The following PITPNM3 variants were observed in gnomAD, a reference collection of about 807,000 sequenced individuals.
PITPNM3 encodes PITPNM family member 3, also known as membrane-associated phosphatidylinositol transfer protein 3.
A neutral mutation model predicts 102.0 loss-of-function variants in PITPNM3; 26 were observed. The observed-to-expected ratio is 0.25, with a 90% CI of 0.19 to 0.35. The LOEUF (loss-of-function observed/expected upper bound fraction) is 0.35, where lower values mean the gene tolerates loss of function less well. PITPNM3 is among the 10% of genes least tolerant of loss of function. PITPNM3 has a pLI of 1.00. For missense variants in PITPNM3, 1,083 were observed against 1,346.1 expected (o/e 0.80, Z 3.06); for synonymous variants, 578 against 558.6 (o/e 1.03, Z -0.49).
intron 17 of PITPNM3, among the ~76,000 whole-genome samples, chr17:6,462,751 G>A (rs1394508348): frequency 6.6e-6 from 1 of 152,144 alleles, no homozygotes; most frequent in South Asian, 2.1e-4. Context: ...TGAGGGATCT[G>A]GGGATGCTCT....
At chr17:6,508,200 G>A (rs1907658044) in intron 3 of PITPNM3, among the ~76,000 whole-genome samples, 1 of 152,328 alleles carries the variant, frequency 6.6e-6, no homozygotes, top group Admixed American at 6.5e-5. Flanking sequence ...GAGGGAAAAT[G>A]TCAGAAAGGA....
Position 6,472,038 on chromosome 17 carries a change from G to T in PITPNM3, c.1429+619C>A, listed in dbSNP as rs183371256. ...GCTTAGGCTAAATTTCCTCAAGTAG[G>T]GCGTGGAGCCAAGGCTCCGATTTCC... On this transcript the variant is annotated intron_variant, in intron 11 of 19. Coordinates refer to ENST00000262483, the MANE Select transcript of PITPNM3 (RefSeq NM_031220.4). This position sits in a 1 kb window ranked among gnomAD's most constrained non-coding sequence, Gnocchi z 4.1. Among the ~76,000 whole-genome samples, 1 of 152,302 alleles carries T rather than the reference G, an allele frequency of 6.6e-6. No individual in the cohort carries two copies. The highest frequency in any genetic ancestry group is 1.9e-4 in the East Asian group (1 of 5,188).
Position 6,478,514 on chromosome 17 carries a change from G to A in PITPNM3, c.777+33C>T. 6.2e-7 allele frequency: 1 copy of A among 1,610,836 alleles called. No homozygotes were observed. Among genetic ancestry groups the A allele is most frequent in the East Asian group, 2.2e-5 (1 of 44,870 alleles). On this transcript the variant is annotated intron_variant, in intron 7 of 19. Coordinates refer to ENST00000262483, the MANE Select transcript of PITPNM3 (RefSeq NM_031220.4). The surrounding 1 kb of genome is among the most constrained non-coding windows in gnomAD (Gnocchi z 4.4). ...CTCCCAGGCCGGGGCCGGAACAGGGGAGGGGAGAGGAGGAGAGGGCAGGCT... is the reference window on the plus strand; with the variant it reads ...CTCCCAGGCCGGGGCCGGAACAGGGAAGGGGAGAGGAGGAGAGGGCAGGCT...
rs188171248 is a variant in PITPNM3, at chr17:6,474,167, G to A, written c.1258+265C>T. Among the ~76,000 whole-genome samples, 296 of 152,058 alleles carry A rather than the reference G, an allele frequency of 1.9e-3. 2 individuals are homozygous for A. Among genetic ancestry groups the A allele is most frequent in the African/African-American group, 6.7e-3 (279 of 41,444 alleles). ...CTCTTCCCCATAGGGCGTGACCACC[G>A]GACAATGAGGCCACAAAGCAGCCAG... is the stretch of plus-strand genomic sequence containing the variant. On this transcript the variant is annotated intron_variant, in intron 10 of 19. Coordinates refer to ENST00000262483, the MANE Select transcript of PITPNM3 (RefSeq NM_031220.4).
chr17:6,511,838 A>G (rs889065122), intron 3 of PITPNM3, among the ~76,000 whole-genome samples: 1 of 152,166 alleles, frequency 6.6e-6, no homozygotes, highest in Non-Finnish European at 1.5e-5. Flanking sequence ...TTAAAAAATT[A>G]GCCATGGGGG....
chr17:6,459,445 C>T lies in PITPNM3; in HGVS notation c.2491-1723G>A, dbSNP rs551180792. Among the ~76,000 whole-genome samples, 8 of 152,050 alleles carry T rather than the reference C, an allele frequency of 5.3e-5. No homozygotes were observed. Among genetic ancestry groups the T allele is most frequent in the East Asian group, 3.9e-4 (2 of 5,164 alleles). On this transcript the variant is annotated intron_variant, in intron 18 of 19. Transcript: ENST00000262483. The surrounding 1 kb of genome is among the most constrained non-coding windows in gnomAD (Gnocchi z 5.0). ...AGTGGCCCAGCACAGCCTCTTCTAA[C>T]GCCTCATCTCCCGTCTCATGGCTCC...
chr17:6,471,008 T>C (rs1391865539), intron 12 of PITPNM3, among the ~76,000 whole-genome samples, 153 bp downstream of exon 12: 1 of 152,036 alleles, frequency 6.6e-6, no homozygotes, highest in Non-Finnish European at 1.5e-5. Flanking sequence ...GACGCCCAGC[T>C]CTCTAAAGGC....
chr17:6,484,355 TG>T, intron 4 of PITPNM3, 63 bp from the exon 5 acceptor site: 4 of 1,483,556 alleles, frequency 2.7e-6, no homozygotes, highest in Non-Finnish European at 3.8e-6. Context: ...AGACACTCCC[TG>T]GGCCCAGCTG....
chr17:6,498,519 T>G (rs1906976635), intron 4 of PITPNM3, among the ~76,000 whole-genome samples: 1 of 150,908 alleles, frequency 6.6e-6, no homozygotes, highest in Non-Finnish European at 1.5e-5. Flanking sequence ...AGGATCAGAG[T>G]GGGTGAGATG....
intron 1 of PITPNM3, among the ~76,000 whole-genome samples, chr17:6,542,521 C>T (rs1350377154): frequency 6.6e-6 from 1 of 152,220 alleles, no homozygotes; most frequent in African/African-American, 2.4e-5. Context: ...AGAACACGGG[C>T]TTTGGAACAA....
Position 6,478,534 on chromosome 17 carries a change from C to T in PITPNM3, c.777+13G>A, listed in dbSNP as rs749654959. The T allele has an allele frequency of 3.7e-6, 6 of 1,613,434 alleles. No individual in the cohort carries two copies. The South Asian group carries it at 6.6e-5, about 18-fold the overall frequency. On this transcript the variant is annotated intron_variant, in intron 7 of 19. Coordinates refer to ENST00000262483, the MANE Select transcript of PITPNM3 (RefSeq NM_031220.4). The surrounding 1 kb of genome is among the most constrained non-coding windows in gnomAD (Gnocchi z 4.4). Reference sequence around the variant, plus strand: ...CAGGGGAGGGGAGAGGAGGAGAGGGCAGGCTGTCCTACCTGCCCACTGAAG... The same window carrying T: ...CAGGGGAGGGGAGAGGAGGAGAGGGTAGGCTGTCCTACCTGCCCACTGAAG...
At chr17:6,525,228 GA>G (rs1406054254) in intron 3 of PITPNM3, 127 bp downstream of exon 3, 1 of 854,442 alleles carries the variant, frequency 1.2e-6, no homozygotes, top group African/African-American at 1.7e-5. Context: ...GGGATGCTAT[GA>G]AGGAGGAACC....
intron 2 of PITPNM3, among the ~76,000 whole-genome samples, chr17:6,527,249 A>C (rs537608226): frequency 6.6e-6 from 1 of 152,372 alleles, no homozygotes; most frequent in East Asian, 1.9e-4. Flanking sequence ...AGAATTATGA[A>C]GAGGTTAAGA....
At chr17:6,531,768 C>T (rs1473700603) in intron 2 of PITPNM3, among the ~76,000 whole-genome samples, 4 of 152,212 alleles carry the variant, frequency 2.6e-5, no homozygotes, top group African/African-American at 9.6e-5. Context: ...GCCAGTGCCT[C>T]CCTGGCTCAC....
At chr17:6,512,823 CAAG>C (rs1402486393) in intron 3 of PITPNM3, among the ~76,000 whole-genome samples, 1 of 152,064 alleles carries the variant, frequency 6.6e-6, no homozygotes, top group Admixed American at 6.5e-5. Context: ...GTTTTAAGAA[CAAG>C]AAGAACCTAG....
At chr17:6,502,229 C>A (rs1006674701) in intron 4 of PITPNM3, among the ~76,000 whole-genome samples, 3 of 152,250 alleles carry the variant, frequency 2.0e-5, no homozygotes, top group Non-Finnish European at 4.4e-5. Context: ...GCGGGCAGAT[C>A]ACCTGAGGTC....
At chr17:6,510,534 G>A (rs1424229792) in intron 3 of PITPNM3, among the ~76,000 whole-genome samples, 2 of 152,194 alleles carry the variant, frequency 1.3e-5, no homozygotes, top group Admixed American at 6.5e-5. Flanking sequence ...TCTGGGAGCC[G>A]GTCAATTCTG....
intron 4 of PITPNM3, among the ~76,000 whole-genome samples, chr17:6,503,155 T>G (rs1463053373): frequency 6.6e-6 from 1 of 152,154 alleles, no homozygotes; most frequent in Non-Finnish European, 1.5e-5. Flanking sequence ...ACAGGGGCCA[T>G]GTTCCCCATC....
At chr17:6,505,272 C>T (rs1023341225) in intron 3 of PITPNM3, among the ~76,000 whole-genome samples, 1 of 151,094 alleles carries the variant, frequency 6.6e-6, no homozygotes, top group Admixed American at 6.6e-5. Flanking sequence ...GTGAGGATGG[C>T]TCTGATTCTT....
Sources: allele counts gnomAD v4.1 joint callset (sites outside exome capture counted in the v4.1 genomes callset), GRCh38; gene constraint gnomAD v4.1.1; non-coding constraint Gnocchi (gnomAD v3.1); transcripts MANE v1.5; gene names NCBI Gene and HGNC (gene_info 2026-07-23, HGNC 2026-07-21).